Variants in DNAAF5 observed in about 807,000 individuals in gnomAD.
The protein encoded by DNAAF5 is HEAT repeat containing 2.
DNAAF5 carries 64 observed loss-of-function variants against 75.8 expected under a neutral mutation model. That is an observed-to-expected ratio of 0.84 (90% CI 0.69 to 1.04). DNAAF5 has a LOEUF of 1.04. Among genes scored for constraint, DNAAF5 ranks in the 50% least tolerant of loss-of-function variants. The pLI, the probability that DNAAF5 is intolerant of heterozygous loss-of-function variation, is 0.00. For synonymous variants in DNAAF5, 657 were observed against 557.2 expected (o/e 1.18, Z -2.52); for missense variants, 1,269 against 1,178.5 (o/e 1.08, Z -1.12).
At chr7:731,498 G>A (rs898025090) in intron 2 of DNAAF5, among the ~76,000 whole-genome samples, 5 of 152,124 alleles carry the variant, frequency 3.3e-5, no homozygotes, top group African/African-American at 1.2e-4. Context: ...TGTATTGGTA[G>A]CTATGTATAA....
At chr7:784,491 A>G (rs1006747167) in intron 12 of DNAAF5, among the ~76,000 whole-genome samples, 4 of 152,148 alleles carry the variant, frequency 2.6e-5, no homozygotes, top group African/African-American at 9.6e-5. Context: ...CTCCCCAGCC[A>G]CTGCAGCAAC....
At chr7:751,831 C>T (rs756683656) in intron 4 of DNAAF5, among the ~76,000 whole-genome samples, 5 of 152,060 alleles carry the variant, frequency 3.3e-5, no homozygotes, top group Non-Finnish European at 7.4e-5. Flanking sequence ...GCCTTGGCCT[C>T]GCAAAGTGCT....
At chr7:764,303 G>T (rs914344213) in intron 8 of DNAAF5, among the ~76,000 whole-genome samples, 1 of 152,202 alleles carries the variant, frequency 6.6e-6, no homozygotes, top group Non-Finnish European at 1.5e-5. Flanking sequence ...ATGTCTAGCC[G>T]CATGGGTGCT....
At chr7:767,194 G>A (rs7806388) in intron 8 of DNAAF5, among the ~76,000 whole-genome samples, 201 of 147,262 alleles carry the variant, frequency 1.4e-3, no homozygotes, top group African/African-American at 4.9e-3. Context: ...AGCCGAGACT[G>A]TGCCACTGCC....
chr7:766,183 C>G (rs996331228), intron 8 of DNAAF5, among the ~76,000 whole-genome samples: 4 of 152,230 alleles, frequency 2.6e-5, no homozygotes, highest in Non-Finnish European at 4.4e-5. Flanking sequence ...TCTGAGCGCA[C>G]ACATGTGTGG....
chr7:779,955 C>A lies in DNAAF5; in HGVS notation c.2242C>A (p.Leu748Ile), dbSNP rs1195476707. 6 of 1,613,934 alleles carry A rather than the reference C, an allele frequency of 3.7e-6. No individual in the cohort carries two copies. Among genetic ancestry groups the A allele is most frequent in the Admixed American group, 1.7e-5 (1 of 60,012 alleles). The change falls in exon 12 of 13, where the codon CTC becomes ATC. Residue 748 changes from leucine (L) to isoleucine (I), a missense_variant and splice_region_variant. Leu to Ile is a conservative substitution (Grantham distance 5). Transcript: ENST00000297440. ...PEKLIRIYPE[L>I]LKRLDDVSND... ...CCTGTCTCGCTCCCTCCTTCCAGAA[C>A]TCTTAAAACGCCTAGATGACGTGTC... is the stretch of plus-strand genomic sequence containing the variant.
chr7:773,951 T>G, intron 9 of DNAAF5, 97 bp from the exon 10 acceptor site: 1 of 1,427,258 alleles, frequency 7.0e-7, no homozygotes, highest in Non-Finnish European at 9.9e-7. Flanking sequence ...CGTTTTCCTG[T>G]TTGGCTCCCC....
intron 2 of DNAAF5, among the ~76,000 whole-genome samples, chr7:734,545 C>A (rs940205685): frequency 1.3e-5 from 2 of 152,188 alleles, no homozygotes; most frequent in African/African-American, 4.8e-5. Flanking sequence ...TTTTCCTTTT[C>A]GATTGCATCT....
intron 10 of DNAAF5, 137 bp from the exon 11 acceptor site, chr7:774,869 T>C (rs1778705548): frequency 2.7e-6 from 2 of 738,160 alleles, no homozygotes; most frequent in South Asian, 3.5e-5. Flanking sequence ...AATTTTACAA[T>C]GAAGATTCAA....
At chr7:778,142 C>T (rs1562401479) in intron 11 of DNAAF5, 2 of 152,200 alleles carry the variant, frequency 1.3e-5, no homozygotes, top group Admixed American at 1.3e-4. Flanking sequence ...TCTTTAGTAA[C>T]AAACATCCTG....
chr7:753,162 C>G (rs1462661755), intron 4 of DNAAF5, among the ~76,000 whole-genome samples: 1 of 152,222 alleles, frequency 6.6e-6, no homozygotes, highest in Admixed American at 6.5e-5. Context: ...TGGCCCAGCC[C>G]TTCCACAGCT....
At chr7:770,644 G>C (rs769858565) in intron 9 of DNAAF5, 26 bp downstream of exon 9, 7 of 1,605,006 alleles carry the variant, frequency 4.4e-6, no homozygotes, top group Non-Finnish European at 5.1e-6. Context: ...GCCTCTGCAC[G>C]GCCCCCAGCT....
At chr7:741,731 C>T (rs1297371438) in intron 4 of DNAAF5, among the ~76,000 whole-genome samples, 3 of 152,200 alleles carry the variant, frequency 2.0e-5, no homozygotes, top group Admixed American at 6.5e-5. Context: ...CTGTGGGCTT[C>T]TGAAAGTGTC....
At chr7:736,380 G>A (rs899551079) in intron 2 of DNAAF5, among the ~76,000 whole-genome samples, 29 of 152,152 alleles carry the variant, frequency 1.9e-4, no homozygotes, top group African/African-American at 6.8e-4. Context: ...TTATATATCT[G>A]GATACTCCAG....
chr7:756,000 T>TC lies in DNAAF5; in HGVS notation c.1258-782_1258-781insC. 5.8e-5 allele frequency among the ~76,000 whole-genome samples: 2 copies of TC among 34,674 alleles called. 1 individual carries two copies. The highest frequency in any genetic ancestry group is 1.2e-4 in the Non-Finnish European group (2 of 17,146). 22.7% of individuals were successfully genotyped at this position (34,674 alleles called of 152,430 possible). ...GTGGAATCCCACAGTGCAGAGGGGC[T>TC]GGTGTGTGTGATCCGGTGTGAAATC... On this transcript the variant is annotated intron_variant, in intron 5 of 12. Transcript: ENST00000297440.
At chr7:752,122 G>A (rs1297440821) in intron 4 of DNAAF5, among the ~76,000 whole-genome samples, 2 of 152,202 alleles carry the variant, frequency 1.3e-5, no homozygotes, top group African/African-American at 2.4e-5. Context: ...GCGCCCGCAC[G>A]CGGACCACTG....
chr7:769,382 C>T, intron 8 of DNAAF5, among the ~76,000 whole-genome samples: 1 of 152,154 alleles, frequency 6.6e-6, no homozygotes, highest in Non-Finnish European at 1.5e-5. Flanking sequence ...CTTGCCCTGT[C>T]ATTCATGGAG....
At chr7:769,242 C>G (rs569266096) in intron 8 of DNAAF5, 33 of 749,586 alleles carry the variant, frequency 4.4e-5, no homozygotes, top group South Asian at 4.1e-4. Context: ...AGTGGACGCT[C>G]CCTCTACACT....
At chr7:770,384 G>A (rs901419742) in intron 8 of DNAAF5, 87 bp from the exon 9 acceptor site, 2 of 1,286,700 alleles carry the variant, frequency 1.6e-6, no homozygotes, top group South Asian at 1.5e-5. Flanking sequence ...CTCCCAGGTG[G>A]GAGCGCCTGA....
Sources: gnomAD v4.1 joint callset for allele counts (sites outside exome capture counted in the v4.1 genomes callset) on GRCh38, gnomAD v4.1.1 for gene constraint, MANE v1.5 for transcripts, NCBI Gene and HGNC (gene_info 2026-07-23, HGNC 2026-07-21) for gene names.